CACNA2D3: variants seen among roughly 807,000 people sequenced by gnomAD.
CACNA2D3 encodes calcium voltage-gated channel auxiliary subunit alpha2delta 3, also known as voltage-dependent calcium channel subunit alpha-2/delta-3.
A neutral mutation model predicts 160.6 loss-of-function variants in CACNA2D3; 60 were observed. The observed-to-expected ratio is 0.37, with a 90% confidence interval of 0.30 to 0.46. The LOEUF is 0.46. Among genes scored for constraint, CACNA2D3 ranks in the 20% least tolerant of loss-of-function variants. The probability of loss-of-function intolerance (pLI) is 1.00; values close to 1 mark genes in which losing one functional copy is unlikely to be tolerated. For synonymous variants in CACNA2D3, 558 were observed against 492.9 expected (o/e 1.13, Z -1.75); for missense variants, 1,205 against 1,365.0 (o/e 0.88, Z 1.85).
At chr3:54,929,824 AATAC>A (rs367939561) in intron 27 of CACNA2D3, among the ~76,000 whole-genome samples, 5 of 152,312 alleles carry the variant, frequency 3.3e-5, no homozygotes, top group African/African-American at 9.6e-5. Flanking sequence ...TATTAATGGA[AATAC>A]ATACATAACC....
intron 5 of CACNA2D3, among the ~76,000 whole-genome samples, chr3:54,512,627 A>G (rs1218749678): frequency 6.6e-6 from 1 of 152,052 alleles, no homozygotes; most frequent in East Asian, 1.9e-4. Context: ...AGAGGCTGAC[A>G]AGCACCCTGG....
intron 2 of CACNA2D3, among the ~76,000 whole-genome samples, chr3:54,156,055 C>T (rs1223417174): frequency 6.6e-6 from 1 of 152,058 alleles, no homozygotes; most frequent in African/African-American, 2.4e-5. Context: ...AATGTTAGAT[C>T]TCCCCAGCTA....
chr3:54,810,526 A>C (rs767264325), intron 13 of CACNA2D3, among the ~76,000 whole-genome samples: 18 of 152,190 alleles, frequency 1.2e-4, no homozygotes, highest in Non-Finnish European at 2.4e-4. Context: ...AAATGAACAC[A>C]CAGAACCTCA....
At chr3:54,423,626 C>T (rs1005236147) in intron 4 of CACNA2D3, among the ~76,000 whole-genome samples, 6 of 152,238 alleles carry the variant, frequency 3.9e-5, no homozygotes, top group African/African-American at 1.2e-4. Flanking sequence ...GAAGTGTGCC[C>T]CTGGCTTCTG....
intron 35 of CACNA2D3, among the ~76,000 whole-genome samples, chr3:55,049,546 G>A (rs1205687054): frequency 1.4e-5 from 2 of 142,434 alleles, no homozygotes; most frequent in Non-Finnish European, 3.0e-5. Context: ...TTTGGAATAG[G>A]TGTGGTGTGG....
intron 6 of CACNA2D3, among the ~76,000 whole-genome samples, chr3:54,563,414 C>T (rs1702358080): frequency 6.6e-6 from 1 of 152,134 alleles, no homozygotes; most frequent in Non-Finnish European, 1.5e-5. Flanking sequence ...GTTGAAATGG[C>T]CCAGGCGTCG....
At chr3:54,541,524 C>T (rs1356908212) in intron 5 of CACNA2D3, among the ~76,000 whole-genome samples, 1 of 152,106 alleles carries the variant, frequency 6.6e-6, no homozygotes, top group Non-Finnish European at 1.5e-5. Flanking sequence ...CTTCTGGCCT[C>T]CAGAACTAAG....
intron 13 of CACNA2D3, among the ~76,000 whole-genome samples, chr3:54,803,247 C>G (rs570369643): frequency 1.3e-5 from 2 of 152,086 alleles, no homozygotes; most frequent in South Asian, 2.1e-4. Flanking sequence ...AGGCTTCAGA[C>G]GATCAAACTA....
intron 12 of CACNA2D3, among the ~76,000 whole-genome samples, chr3:54,755,262 G>C (rs1414576374): frequency 6.6e-6 from 1 of 152,134 alleles, no homozygotes; most frequent in Non-Finnish European, 1.5e-5. Context: ...TGCTGAATTG[G>C]GGGTGGGCAG....
At chr3:54,449,164 T>A (rs1352216285) in intron 4 of CACNA2D3, among the ~76,000 whole-genome samples, 1 of 152,214 alleles carries the variant, frequency 6.6e-6, no homozygotes, top group Non-Finnish European at 1.5e-5. Context: ...ATACGTGTTC[T>A]GCTACTAATC....
At position 54,838,593 on chromosome 3, in the gene CACNA2D3, T is replaced by C. The variant is rs1178391911; in HGVS notation, c.1496T>C (p.Val499Ala). Residue 499 changes from valine to alanine, a missense_variant, in exon 16 of 38, where the codon GTG (valine) becomes GCG (alanine). Coordinates refer to ENST00000474759, the MANE Select transcript of CACNA2D3 (RefSeq NM_018398.3). Reference sequence around the variant, plus strand: ...AGATCGAAGGGCATTCTTCTGGGAGTGGTTGGCACAGATGTCCCAGTGAAA... The same window carrying C: ...AGATCGAAGGGCATTCTTCTGGGAGCGGTTGGCACAGATGTCCCAGTGAAA... ...ETRSKGILLG[V>A]VGTDVPVKEL... 2 of 1,613,608 alleles carry C rather than the reference T, an allele frequency of 1.2e-6. No individual in the cohort carries two copies. The highest frequency in any genetic ancestry group is 2.7e-5 in the African/African-American group (2 of 75,026).
At chr3:54,170,640 C>T (rs2107310195) in intron 2 of CACNA2D3, among the ~76,000 whole-genome samples, 1 of 152,178 alleles carries the variant, frequency 6.6e-6, no homozygotes, top group South Asian at 2.1e-4. Context: ...CTCCTTTCTT[C>T]CTTCCTTCCT....
intron 4 of CACNA2D3, among the ~76,000 whole-genome samples, chr3:54,466,541 TG>T (rs1451731413): frequency 6.6e-6 from 1 of 152,206 alleles, no homozygotes; most frequent in Non-Finnish European, 1.5e-5. Context: ...TGGCTGGCGC[TG>T]CTCAGTAACA....
intron 5 of CACNA2D3, among the ~76,000 whole-genome samples, chr3:54,554,273 C>A (rs1269404305): frequency 4.6e-5 from 7 of 152,162 alleles, no homozygotes; most frequent in Admixed American, 4.6e-4. Context: ...ACACCTATTT[C>A]TACTTGAAAT....
intron 12 of CACNA2D3, among the ~76,000 whole-genome samples, chr3:54,761,572 A>G (rs1416277300): frequency 6.6e-6 from 1 of 152,310 alleles, no homozygotes; most frequent in South Asian, 2.1e-4. Flanking sequence ...ATCTAGGAGC[A>G]TTGCTAGAGC....
At chr3:54,883,445 G>A (rs888929688) in intron 21 of CACNA2D3, among the ~76,000 whole-genome samples, 3 of 152,166 alleles carry the variant, frequency 2.0e-5, no homozygotes, top group East Asian at 1.9e-4. Flanking sequence ...AATGTCAGAG[G>A]TGAGAGAATT....
At chr3:54,932,665 G>A (rs1228070246) in intron 27 of CACNA2D3, among the ~76,000 whole-genome samples, 1 of 152,160 alleles carries the variant, frequency 6.6e-6, no homozygotes, top group Non-Finnish European at 1.5e-5. Flanking sequence ...TCTCTGCCAA[G>A]GGGTCTCTAC....
At position 55,031,042 on chromosome 3, in the gene CACNA2D3, C is replaced by T. The variant is rs180751800; in HGVS notation, c.2987+12725C>T. Among the ~76,000 whole-genome samples the T allele has an allele frequency of 3.9e-3, 601 of 152,282 alleles. 1 individual carries two copies. Among genetic ancestry groups the T allele is most frequent in the South Asian group, 9.7e-3 (47 of 4,824 alleles). ...GGGAGCACATGGAAGTTTGTCTGGG[C>T]TCACAACACAGTGAGGCTTTCCTCT... On this transcript the variant is annotated intron_variant, in intron 35 of 37. Coordinates refer to ENST00000474759, the MANE Select transcript of CACNA2D3 (RefSeq NM_018398.3).
At chr3:54,226,595 G>A (rs1701677998) in intron 2 of CACNA2D3, among the ~76,000 whole-genome samples, 1 of 152,046 alleles carries the variant, frequency 6.6e-6, no homozygotes, top group Admixed American at 6.6e-5. Context: ...GAGCCACCAT[G>A]CCTGGCCTGC....
Sources: allele counts gnomAD v4.1 joint callset (sites outside exome capture counted in the v4.1 genomes callset), GRCh38; gene constraint gnomAD v4.1.1; transcripts MANE v1.5; gene names NCBI Gene and HGNC (gene_info 2026-07-23, HGNC 2026-07-21).